TENM3: variants seen among roughly 807,000 people sequenced by gnomAD.
The protein encoded by TENM3 is teneurin-3.
Under a neutral mutation model 255.1 loss-of-function variants are expected in TENM3, and 63 were observed. The observed-to-expected ratio is 0.25, with a 90% confidence interval of 0.20 to 0.30. The LOEUF is 0.30. TENM3 is among the 10% of genes least tolerant of loss of function. The pLI, the probability that TENM3 is intolerant of heterozygous loss-of-function variation, is 1.00. For missense variants in TENM3, 2,929 were observed against 3,461.1 expected, an observed-to-expected ratio of 0.85 and a Z score of 3.86; for synonymous variants, 1,306 against 1,322.3, an observed-to-expected ratio of 0.99 and a Z score of 0.27.
chr4:182,637,276 T>A (rs2152486867), intron 5 of TENM3, among the ~76,000 whole-genome samples: 1 of 152,198 alleles, frequency 6.6e-6, no homozygotes, highest in East Asian at 1.9e-4. Context: ...AATATACAAA[T>A]AAAATTTAAA....
At chr4:181,634,086 A>G in the TENM3 span, among the ~76,000 whole-genome samples, 6 of 152,174 alleles carry the variant, frequency 3.9e-5, no homozygotes, top group Admixed American at 1.3e-4. Flanking sequence ...GCATTTGGCA[A>G]TGGTCTCATG....
the TENM3 span, among the ~76,000 whole-genome samples, chr4:181,753,478 A>G: frequency 6.6e-6 from 1 of 152,066 alleles, no homozygotes; most frequent in African/African-American, 2.4e-5. Context: ...CTAGTGGTCT[A>G]GTTAACAGTC....
chr4:182,245,756 G>A (rs1195576587), intron 1 of TENM3, among the ~76,000 whole-genome samples: 1 of 152,156 alleles, frequency 6.6e-6, no homozygotes, highest in Non-Finnish European at 1.5e-5. Flanking sequence ...GGGATTAAGA[G>A]GCTACTGTTG....
chr4:181,910,854 G>T, the TENM3 span, among the ~76,000 whole-genome samples: 1 of 151,950 alleles, frequency 6.6e-6, no homozygotes, highest in Non-Finnish European at 1.5e-5. Context: ...TTTAAAAAGT[G>T]ACTCCATAAT....
At chr4:181,898,049 G>T in the TENM3 span, among the ~76,000 whole-genome samples, 1 of 152,102 alleles carries the variant, frequency 6.6e-6, no homozygotes, top group Non-Finnish European at 1.5e-5. Context: ...AGTCAATGAC[G>T]TAGGCACCAT....
In TENM3 at chr4:182,516,784, G is replaced by A. The variant is rs545875899; in HGVS notation, c.512-84140G>A. Among the ~76,000 whole-genome samples the A allele has an allele frequency of 1.7e-4, 26 of 152,148 alleles. No individual in the cohort carries two copies. In the South Asian group the frequency reaches 5.4e-3, roughly 32 times the overall value. On this transcript the variant is annotated intron_variant, in intron 3 of 27. Coordinates refer to ENST00000511685, the MANE Select transcript of TENM3 (RefSeq NM_001080477.4). ...CACACACCAGTAGTCCCAACTACATGGGAGGCTGAGACAGGAGAATCGCTT... is the reference window on the plus strand; with the variant it reads ...CACACACCAGTAGTCCCAACTACATAGGAGGCTGAGACAGGAGAATCGCTT...
At chr4:181,659,363 T>A in the TENM3 span, among the ~76,000 whole-genome samples, 1 of 152,168 alleles carries the variant, frequency 6.6e-6, no homozygotes. Flanking sequence ...GCTTTCACTT[T>A]GCCCTGTCAA....
chr4:181,629,580 T>G, the TENM3 span, among the ~76,000 whole-genome samples: 1 of 152,236 alleles, frequency 6.6e-6, no homozygotes, highest in Non-Finnish European at 1.5e-5. Flanking sequence ...CTTTTCTGCA[T>G]CTATTGAGAA....
the TENM3 span, among the ~76,000 whole-genome samples, chr4:181,872,152 A>G: frequency 2.0e-5 from 3 of 151,166 alleles, no homozygotes. Flanking sequence ...GTTTCATAAA[A>G]TTTTTATAGA....
chr4:181,906,207 T>A, the TENM3 span: 1 of 237,048 alleles, frequency 4.2e-6, no homozygotes, highest in African/African-American at 2.4e-5. Context: ...CCTCAAAATG[T>A]CTGGATTCTC....
intron 3 of TENM3, among the ~76,000 whole-genome samples, chr4:182,401,127 G>A (rs568483048): frequency 6.7e-4 from 102 of 152,094 alleles, no homozygotes; most frequent in Non-Finnish European, 1.2e-3. Flanking sequence ...TTTTTTTCCC[G>A]ATGATGGATT....
At position 182,581,705 on chromosome 4, in the gene TENM3, C is replaced by G. The variant is rs1745511462; in HGVS notation, c.512-19219C>G. 2.6e-5 allele frequency among the ~76,000 whole-genome samples: 4 copies of G among 151,940 alleles called. No homozygotes were observed. The South Asian group carries it at 8.3e-4, about 32-fold the overall frequency. ...TGAGCCAAGATTGCGCCATTACACT[C>G]CAGCCTGGGCGACAGAGCGAGACTC... is the stretch of plus-strand genomic sequence containing the variant. On this transcript the variant is annotated intron_variant, in intron 3 of 27. Transcript: ENST00000511685.
chr4:182,227,401 G>T (rs1372092576), intron 1 of TENM3, among the ~76,000 whole-genome samples: 3 of 152,144 alleles, frequency 2.0e-5, no homozygotes, highest in African/African-American at 4.8e-5. Flanking sequence ...GCCTGTCCCT[G>T]ATTCCACGAT....
At chr4:182,024,981 C>G in the TENM3 span, among the ~76,000 whole-genome samples, 2 of 150,706 alleles carry the variant, frequency 1.3e-5, no homozygotes, top group Non-Finnish European at 2.9e-5. Context: ...ACATAATGAC[C>G]TCCAGTTCCA....
At chr4:182,714,588 T>G (rs1212606013) in intron 13 of TENM3, among the ~76,000 whole-genome samples, 3 of 152,142 alleles carry the variant, frequency 2.0e-5, no homozygotes, top group Admixed American at 2.0e-4. Flanking sequence ...TAACTGACAT[T>G]CCAAAAGATG....
the TENM3 span, among the ~76,000 whole-genome samples, chr4:181,503,752 TG>T: frequency 1.3e-5 from 2 of 152,246 alleles, no homozygotes; most frequent in African/African-American, 4.8e-5. Context: ...TCTATATGAG[TG>T]GGGACAGAAG....
At chr4:181,526,758 G>A in the TENM3 span, among the ~76,000 whole-genome samples, 25 of 152,138 alleles carry the variant, frequency 1.6e-4, no homozygotes, top group Non-Finnish European at 2.8e-4. Context: ...TAGAGAGAGA[G>A]CTGTGTATAG....
the TENM3 span, among the ~76,000 whole-genome samples, chr4:182,060,218 C>T: frequency 6.6e-6 from 1 of 152,130 alleles, no homozygotes; most frequent in Non-Finnish European, 1.5e-5. Context: ...GCCTGGGTAA[C>T]AGAGTGAGAC....
At chr4:182,650,925 A>ATAT (rs1561056446) in intron 5 of TENM3, among the ~76,000 whole-genome samples, 1,248 of 18,064 alleles carry the variant, frequency 0.069, 6 homozygotes, top group Middle Eastern at 0.11. Context: ...TATATATATA[A>ATAT]AACAAAGCTG....
Sources: allele counts gnomAD v4.1 joint callset (sites outside exome capture counted in the v4.1 genomes callset), GRCh38; gene constraint gnomAD v4.1.1; transcripts MANE v1.5; gene names NCBI Gene and HGNC (gene_info 2026-07-23, HGNC 2026-07-21).